The following FILIP1L variants were observed in gnomAD, a reference collection of about 807,000 sequenced individuals.
FILIP1L encodes the protein filamin A interacting protein 1 like, also known as filamin A-interacting protein 1-like.
A neutral mutation model predicts 96.6 loss-of-function variants in FILIP1L; 55 were observed. That is an observed-to-expected ratio of 0.57 (90% CI 0.46 to 0.71). The LOEUF (loss-of-function observed/expected upper bound fraction) is 0.71. Ranked by LOEUF, FILIP1L falls within the 30% of genes least tolerant of loss-of-function variation. FILIP1L has a pLI of 0.00. For synonymous variants in FILIP1L, 467 were observed against 473.9 expected, an observed-to-expected ratio of 0.99 and a Z score of 0.19; for missense variants, 1,304 against 1,321.2, an observed-to-expected ratio of 0.99 and a Z score of 0.20.
chr3:99,978,433 C>T (rs1043531362), intron 1 of FILIP1L, among the ~76,000 whole-genome samples: 1 of 152,136 alleles, frequency 6.6e-6, no homozygotes, highest in Admixed American at 6.5e-5. Context: ...TATATCTACA[C>T]AATGGAATAC....
Position 99,930,767 on chromosome 3 carries a change from A to G in FILIP1L, c.252+2T>C. On this transcript the variant is annotated splice_donor_variant, in intron 2 of 5. Transcript: ENST00000477258. LOFTEE classifies it high-confidence loss of function. ...GATGGGGATAACTCCAACCCAGCTG[A>G]CCTGCAGTTCTCCCTCCAGAATGCT... 1.2e-6 allele frequency: 2 copies of G among 1,613,054 alleles called. No homozygotes were observed. Among genetic ancestry groups the G allele is most frequent in the Non-Finnish European group, 1.7e-6 (2 of 1,179,644 alleles).
At chr3:100,048,249 G>C (rs1046485266) in intron 1 of FILIP1L, among the ~76,000 whole-genome samples, 1 of 152,210 alleles carries the variant, frequency 6.6e-6, no homozygotes, top group Non-Finnish European at 1.5e-5. Context: ...AGGAAAACTA[G>C]CAATAGACTT....
chr3:99,849,096 C>A lies in FILIP1L; in HGVS notation c.2580G>T (p.Lys860Asn), dbSNP rs1370436202. 6.2e-7 allele frequency: 1 copy of A among 1,614,152 alleles called. No homozygotes were observed. Among genetic ancestry groups the A allele is most frequent in the South Asian group, 1.1e-5 (1 of 91,080 alleles). Residue 860 changes from lysine to asparagine, a missense_variant, in exon 5 of 6, where the codon AAG becomes AAT. Lys to Asn is a moderately conservative substitution (Grantham distance 94). Transcript: ENST00000477258. Reference sequence around the variant, plus strand: ...TGGATTTCATCCAGGGAATCCATAGCTTTCTGTTAACAGGACATGGAGTAG... The same window carrying A: ...TGGATTTCATCCAGGGAATCCATAGATTTCTGTTAACAGGACATGGAGTAG... ...SQSTPCPVNR[K>N]LWIPWMKSKE...
chr3:100,005,450 C>T (rs925679894), intron 1 of FILIP1L, among the ~76,000 whole-genome samples: 3 of 152,150 alleles, frequency 2.0e-5, no homozygotes, highest in Non-Finnish European at 4.4e-5. Context: ...CAGGGTTCCA[C>T]CCAAGACCTA....
chr3:99,983,876 A>G (rs1186197616), intron 1 of FILIP1L, among the ~76,000 whole-genome samples: 1 of 152,146 alleles, frequency 6.6e-6, no homozygotes, highest in Non-Finnish European at 1.5e-5. Context: ...AACTTGCCAG[A>G]AGAAGTAACA....
At chr3:100,045,924 G>C (rs1222932287) in intron 1 of FILIP1L, among the ~76,000 whole-genome samples, 2 of 152,092 alleles carry the variant, frequency 1.3e-5, no homozygotes, top group East Asian at 3.9e-4. Flanking sequence ...ACTGGGGAAG[G>C]GGGAGGAGGC....
At chr3:100,040,841 C>CTT (rs111369836) in intron 1 of FILIP1L, 1 of 152,166 alleles carries the variant, frequency 6.6e-6, no homozygotes, top group African/African-American at 2.4e-5. Flanking sequence ...AAGGGAGAAA[C>CTT]TTTGTCAGTG....
intron 1 of FILIP1L, among the ~76,000 whole-genome samples, chr3:99,999,451 T>G (rs1709780031): frequency 1.3e-5 from 2 of 152,200 alleles, no homozygotes; most frequent in African/African-American, 2.4e-5. Flanking sequence ...TTGCAACAAC[T>G]GCCTAAAATT....
In FILIP1L at chr3:99,929,287, G is replaced by A. The variant is rs138988317; in HGVS notation, c.426+569C>T. 6.7e-3 allele frequency among the ~76,000 whole-genome samples: 1,026 copies of A among 152,304 alleles called. 3 individuals carry two copies. Among genetic ancestry groups the A allele is most frequent in the African/African-American group, 8.5e-3 (354 of 41,552 alleles). ...CCGTTGTAATTGCTAGGTACGCTTG[G>A]TGAGGGAAAGGTCTTTGCTGTCATT... is the stretch of plus-strand genomic sequence containing the variant. On this transcript the variant is annotated intron_variant, in intron 3 of 5. Coordinates refer to ENST00000477258, the MANE Select transcript of FILIP1L (RefSeq NM_001387850.1).
intron 1 of FILIP1L, among the ~76,000 whole-genome samples, chr3:100,062,890 C>T (rs2065598586): frequency 6.6e-6 from 1 of 152,194 alleles, no homozygotes; most frequent in South Asian, 2.1e-4. Context: ...CATCATGAGA[C>T]CTGGTTCTAG....
chr3:99,947,137 C>CAAA (rs397829321), intron 1 of FILIP1L, among the ~76,000 whole-genome samples: 2,315 of 88,460 alleles, frequency 0.026, 158 homozygotes, highest in African/African-American at 0.064. Flanking sequence ...GACTCTGTCT[C>CAAA]AAAAAAAAAA....
At chr3:100,071,304 A>G (rs1017685060) in intron 1 of FILIP1L, among the ~76,000 whole-genome samples, 6 of 152,168 alleles carry the variant, frequency 3.9e-5, no homozygotes, top group African/African-American at 1.4e-4. Context: ...AGAAACTTGT[A>G]CATCAAGAAG....
intron 4 of FILIP1L, among the ~76,000 whole-genome samples, chr3:99,889,421 G>T (rs181302211): frequency 2.0e-5 from 3 of 152,070 alleles, no homozygotes; most frequent in Non-Finnish European, 2.9e-5. Context: ...AGTTACTAAT[G>T]TCTTTTCTGA....
At chr3:99,941,026 T>TGGAGTA (rs1250828609) in intron 1 of FILIP1L, among the ~76,000 whole-genome samples, 1 of 152,250 alleles carries the variant, frequency 6.6e-6, no homozygotes, top group Non-Finnish European at 1.5e-5. Context: ...TCCATTTATC[T>TGGAGTA]TCCTATAACT....
intron 1 of FILIP1L, chr3:100,041,184 C>T (rs1007898973): frequency 5.3e-5 from 8 of 152,080 alleles, no homozygotes; most frequent in Non-Finnish European, 1.0e-4. Flanking sequence ...GCCTGCCCCA[C>T]CCTAAATCAC....
chr3:100,097,217 T>C (rs945829346), intron 1 of FILIP1L, among the ~76,000 whole-genome samples: 1 of 152,212 alleles, frequency 6.6e-6, no homozygotes, highest in Non-Finnish European at 1.5e-5. Context: ...TGCCCTGAGA[T>C]GAACAGTTTC....
chr3:100,021,914 A>ATT (rs1559728514), intron 1 of FILIP1L, among the ~76,000 whole-genome samples: 29 of 86,648 alleles, frequency 3.3e-4, no homozygotes, highest in African/African-American at 1.5e-3. Context: ...GCTAGATCCC[A>ATT]TTGTGTGTGT....
intron 1 of FILIP1L, among the ~76,000 whole-genome samples, chr3:100,082,520 A>C (rs1343870609): frequency 6.6e-6 from 1 of 152,142 alleles, no homozygotes; most frequent in Non-Finnish European, 1.5e-5. Flanking sequence ...TCTCTTGGAG[A>C]AGACAGCCCA....
chr3:99,899,714 C>T (rs1242418428), intron 4 of FILIP1L, among the ~76,000 whole-genome samples: 1 of 152,158 alleles, frequency 6.6e-6, no homozygotes, highest in Non-Finnish European at 1.5e-5. Context: ...CCATTATGGT[C>T]CACCTTCAGG....
Sources: allele counts gnomAD v4.1 joint callset (sites outside exome capture counted in the v4.1 genomes callset), GRCh38; gene constraint gnomAD v4.1.1; transcripts MANE v1.5; gene names NCBI Gene and HGNC (gene_info 2026-07-23, HGNC 2026-07-21).